The following ABHD12 variants were observed in gnomAD, a reference collection of about 807,000 sequenced individuals.
ABHD12 encodes the protein abhydrolase domain containing 12, lysophospholipase.
ABHD12 carries 43 observed loss-of-function variants against 58.3 expected under a neutral mutation model. That is an observed-to-expected ratio of 0.74 (90% CI 0.58 to 0.95). The LOEUF is 0.95. ABHD12 is among the 40% of genes least tolerant of loss of function. The pLI, the probability that ABHD12 is intolerant of heterozygous loss-of-function variation, is 0.00. For missense variants in ABHD12, 539 were observed against 537.2 expected (o/e 1.00, Z -0.03); for synonymous variants, 219 against 211.2 (o/e 1.04, Z -0.32).
intron 1 of ABHD12, among the ~76,000 whole-genome samples, chr20:25,384,963 G>A (rs1247694403): frequency 1.3e-5 from 2 of 152,040 alleles, no homozygotes; most frequent in Non-Finnish European, 2.9e-5. Flanking sequence ...ATGTGTGTGT[G>A]TGTATGTGTG....
chr20:25,339,788 A>G, intron 1 of ABHD12: 1 of 1,246,314 alleles, frequency 8.0e-7, no homozygotes, highest in Non-Finnish European at 1.0e-6. Context: ...AGCTCCTGGT[A>G]GGAAGCACGT....
intron 1 of ABHD12, among the ~76,000 whole-genome samples, chr20:25,350,790 A>C (rs758126193): frequency 4.6e-5 from 7 of 152,226 alleles, no homozygotes; most frequent in Non-Finnish European, 8.8e-5. Context: ...AAGACATCTT[A>C]TCTGAACTTC....
chr20:25,356,020 A>T (rs1424957682), intron 1 of ABHD12, among the ~76,000 whole-genome samples: 1 of 152,170 alleles, frequency 6.6e-6, no homozygotes, highest in Non-Finnish European at 1.5e-5. Flanking sequence ...TTCCTGAGAG[A>T]ACAAAAGCCA....
At chr20:25,312,697 C>T (rs1044935680) in intron 6 of ABHD12, among the ~76,000 whole-genome samples, 8 of 150,086 alleles carry the variant, frequency 5.3e-5, no homozygotes, top group East Asian at 2.0e-4. Context: ...AAGTGAGGAG[C>T]GCCTCTTCCC....
downstream of ABHD12, among the ~76,000 whole-genome samples, chr20:25,298,513 C>T (rs771078292): frequency 9.9e-5 from 15 of 152,244 alleles, no homozygotes; most frequent in East Asian, 1.9e-4. Flanking sequence ...CCTCAGCCTC[C>T]GAAAGTGCTG....
intron 1 of ABHD12, among the ~76,000 whole-genome samples, chr20:25,357,219 G>A (rs181143067): frequency 1.2e-3 from 189 of 152,198 alleles, no homozygotes; most frequent in Non-Finnish European, 2.4e-3. Flanking sequence ...TCTCGCAGGG[G>A]CCCCAAATCT....
At chr20:25,346,267 A>G (rs982483267) in intron 1 of ABHD12, among the ~76,000 whole-genome samples, 1 of 152,220 alleles carries the variant, frequency 6.6e-6, no homozygotes, top group African/African-American at 2.4e-5. Flanking sequence ...ACATTCTGTA[A>G]AAGGTCAAAC....
chr20:25,312,432 C>T (rs2088867491), intron 6 of ABHD12, among the ~76,000 whole-genome samples: 1 of 151,032 alleles, frequency 6.6e-6, no homozygotes, highest in Admixed American at 6.6e-5. Context: ...CTGCCAGCAT[C>T]GGCCTCCACA....
chr20:25,326,087 A>G (rs2089171425), intron 2 of ABHD12, among the ~76,000 whole-genome samples: 1 of 147,672 alleles, frequency 6.8e-6, no homozygotes, highest in Non-Finnish European at 1.5e-5. Context: ...AAAAAAGAAA[A>G]GAAAAAAGAA....
intron 2 of ABHD12, among the ~76,000 whole-genome samples, chr20:25,338,706 G>T (rs1378421819): frequency 6.6e-6 from 1 of 151,854 alleles, no homozygotes; most frequent in Non-Finnish European, 1.5e-5. Flanking sequence ...TTTTTTAAGG[G>T]TATAAAAAAC....
intron 2 of ABHD12, among the ~76,000 whole-genome samples, chr20:25,335,948 A>G (rs986763205): frequency 2.6e-5 from 4 of 151,338 alleles, no homozygotes; most frequent in Admixed American, 6.6e-5. Context: ...CCTAGAATTT[A>G]AAGTATAATA....
In ABHD12 at chr20:25,390,499, G is replaced by A. The variant is rs781767483; in HGVS notation, c.191+14C>T. 1.1e-5 allele frequency: 10 copies of A among 888,934 alleles called. No individual in the cohort carries two copies. Among genetic ancestry groups the A allele is most frequent in the African/African-American group, 2.6e-5 (1 of 38,912 alleles). The allele number at this position is 888,934 out of a possible 1,614,324, so 55.1% of individuals were successfully genotyped here. ...CCGGCCCCCCCCCCCCCCCCGCTCC[G>A]CGCGAAGCCTCACCTGCCCAGCGCC... On this transcript the variant is annotated intron_variant, in intron 1 of 12. Coordinates refer to ENST00000339157, the MANE Select transcript of ABHD12 (RefSeq NM_001042472.3).
At position 25,390,433 on chromosome 20, in the gene ABHD12, A is replaced by C. The variant is rs1600899382; in HGVS notation, c.191+80T>G. 325 of 1,227,246 alleles carry C rather than the reference A, an allele frequency of 2.6e-4. No individual in the cohort carries two copies. In the East Asian group the frequency reaches 4.3e-3, roughly 16 times the overall value. 76.0% of individuals were successfully genotyped at this position (1,227,246 alleles called of 1,614,324 possible). A position where few individuals can be genotyped will look rare whatever the true frequency, so the allele number is the denominator to read the frequency against. The stretch of plus-strand genomic sequence containing the variant: ...GCCACTCTGGGAGGGGCTGGGAGGT[A>C]CCGCGGCCCCCTGCGGGACGCACCT... On this transcript the variant is annotated intron_variant, in intron 1 of 12. Coordinates refer to ENST00000339157, the MANE Select transcript of ABHD12 (RefSeq NM_001042472.3).
chr20:25,380,282 A>G (rs1190360824), intron 1 of ABHD12, among the ~76,000 whole-genome samples: 2 of 151,538 alleles, frequency 1.3e-5, no homozygotes, highest in South Asian at 2.1e-4. Flanking sequence ...TTTTTTTGAG[A>G]TGGAGTTTCG....
chr20:25,386,001 T>C (rs1245807507), intron 1 of ABHD12, among the ~76,000 whole-genome samples: 1 of 151,572 alleles, frequency 6.6e-6, no homozygotes, highest in Non-Finnish European at 1.5e-5. Flanking sequence ...CTTGGGAGGC[T>C]GAGGCAGGAG....
intron 1 of ABHD12, among the ~76,000 whole-genome samples, chr20:25,364,525 G>A (rs2089793802): frequency 6.6e-6 from 1 of 152,134 alleles, no homozygotes; most frequent in Non-Finnish European, 1.5e-5. Flanking sequence ...CCATAAGAGT[G>A]GACCCAGCCA....
chr20:25,359,465 C>A (rs2089716004), intron 1 of ABHD12, among the ~76,000 whole-genome samples: 1 of 148,252 alleles, frequency 6.7e-6, no homozygotes, highest in Non-Finnish European at 1.5e-5. Flanking sequence ...TTCACTGTTT[C>A]TTCTATACAT....
At chr20:25,296,816 C>T (rs201069491), downstream of ABHD12, 10 of 412,918 alleles carry the variant, frequency 2.4e-5, no homozygotes, top group African/African-American at 2.0e-4. Flanking sequence ...GGTGGAGCCA[C>T]CTGCTGGGCT....
At chr20:25,311,689 G>A (rs1284221585) in intron 6 of ABHD12, among the ~76,000 whole-genome samples, 1 of 152,152 alleles carries the variant, frequency 6.6e-6, no homozygotes, top group African/African-American at 2.4e-5. Flanking sequence ...TCCAGCTGAG[G>A]ACTACATGGT....
Sources: gnomAD v4.1 joint callset for allele counts (sites outside exome capture counted in the v4.1 genomes callset) on GRCh38, gnomAD v4.1.1 for gene constraint, MANE v1.5 for transcripts, NCBI Gene and HGNC (gene_info 2026-07-23, HGNC 2026-07-21) for gene names.